Variants in CFAP91 observed in about 807,000 individuals in gnomAD.
CFAP91 encodes cilia and flagella associated protein 91.
In CFAP91, 85 loss-of-function variants were observed where a neutral mutation model predicts 95.9. That is an observed-to-expected ratio of 0.89 (90% CI 0.74 to 1.06). CFAP91 has a LOEUF of 1.06. Among genes scored for constraint, CFAP91 ranks in the 50% least tolerant of loss-of-function variants. The pLI is 0.00. For missense variants in CFAP91, 962 were observed against 943.4 expected, an observed-to-expected ratio of 1.02 and a Z score of -0.26; for synonymous variants, 335 against 327.5, an observed-to-expected ratio of 1.02 and a Z score of -0.25.
chr3:119,758,418 C>G (rs574893880), intron 17 of CFAP91, among the ~76,000 whole-genome samples: 11 of 152,242 alleles, frequency 7.2e-5, no homozygotes, highest in South Asian at 6.2e-4. Flanking sequence ...AAAGTTAAAA[C>G]AAGAAGGAAG....
intron 7 of CFAP91, 42 bp downstream of exon 7, chr3:119,726,390 G>A (rs2053784990): frequency 1.3e-6 from 2 of 1,541,404 alleles, no homozygotes; most frequent in Admixed American, 1.9e-5. Flanking sequence ...TGCACTGGTG[G>A]GAATAATGTT....
At chr3:119,757,798 A>G (rs2054461747) in intron 17 of CFAP91, among the ~76,000 whole-genome samples, 1 of 152,184 alleles carries the variant, frequency 6.6e-6, no homozygotes. Flanking sequence ...GGAAAGAGAA[A>G]CCAGAGGAGC....
intron 17 of CFAP91, among the ~76,000 whole-genome samples, chr3:119,760,230 T>C (rs992683690): frequency 6.6e-6 from 1 of 151,800 alleles, no homozygotes; most frequent in African/African-American, 2.4e-5. Context: ...AGAACAAGTG[T>C]AGCTAAACTT....
At chr3:119,720,991 G>A (rs1192714775) in intron 6 of CFAP91, among the ~76,000 whole-genome samples, 2 of 152,160 alleles carry the variant, frequency 1.3e-5, no homozygotes, top group Non-Finnish European at 2.9e-5. Context: ...TCAACCTGCA[G>A]TTGGTCAAAT....
chr3:119,762,246 G>T (rs2054550042), intron 17 of CFAP91, among the ~76,000 whole-genome samples: 1 of 128,886 alleles, frequency 7.8e-6, no homozygotes, highest in South Asian at 2.3e-4. Context: ...TAGCTACAAG[G>T]AAAAAAATAA....
chr3:119,738,332 CTTTTTTTTTTTTT>C (rs556125660), intron 11 of CFAP91, among the ~76,000 whole-genome samples: 237 of 23,072 alleles, frequency 0.01, 4 homozygotes, highest in South Asian at 0.037. Flanking sequence ...GACATATTGT[CTTTTTTTTTTTTT>C]TTTTTTTTTT....
At position 119,715,703 on chromosome 3, in the gene CFAP91, C is replaced by T; in HGVS notation, c.642C>T (p.Asp214=). ...CTGCAGAATATGTAGTATGTCAGGA[C>T]TCAATCCCTGAGCTCTTGACCCTGG... The part of the protein sequence containing the change: ...PYSAEYVVCQ[D]SIPELLTLAT... The change falls in exon 6 of 18, where the codon GAC becomes GAT. Residue 214 remains aspartate, a synonymous_variant. Transcript: ENST00000273390. The T allele has an allele frequency of 1.2e-6, 2 of 1,614,090 alleles. No individual in the cohort carries two copies. Among genetic ancestry groups the T allele is most frequent in the Non-Finnish European group, 1.7e-6 (2 of 1,179,928 alleles).
rs1281349862 is a variant in CFAP91, at chr3:119,751,021, C to T, written c.2228C>T (p.Thr743Ile). 6.2e-7 allele frequency: 1 copy of T among 1,613,796 alleles called. No individual in the cohort carries two copies. Among genetic ancestry groups the T allele is most frequent in the Non-Finnish European group, 8.5e-7 (1 of 1,179,870 alleles). ...GAAAGCATGGTTCAAAAGAAATTAA[C>T]TGAGGGAGAGCAAGATGAGGCCTCA... Reference protein sequence around the residue: ...YTESMVQKKLTEGEQDEASNA... With the variant: ...YTESMVQKKLIEGEQDEASNA... The change falls in exon 17 of 18, where the codon ACT becomes ATT. Residue 743 changes from threonine (T) to isoleucine (I), a missense_variant. Transcript: ENST00000273390.
intron 17 of CFAP91, among the ~76,000 whole-genome samples, chr3:119,757,281 A>G (rs549346985): frequency 3.9e-4 from 59 of 152,340 alleles, no homozygotes; most frequent in South Asian, 1.4e-3. Flanking sequence ...AGACAAATCC[A>G]CAATAATTCT....
intron 8 of CFAP91, among the ~76,000 whole-genome samples, chr3:119,731,092 G>A (rs1043299894): frequency 3.3e-5 from 5 of 152,004 alleles, no homozygotes; most frequent in Non-Finnish European, 4.4e-5. Context: ...TTTAAAAACA[G>A]CCTGATGTAA....
Position 119,733,440 on chromosome 3 carries a change from T to C in CFAP91, c.1278T>C (p.Ile426=). ...PQIRAPKPKV[I]TTKAGFLKRA... is the part of the protein sequence containing the mutation. ...TCAGAGCTCCAAAACCTAAAGTCAT[T>C]ACCACCAAAGCTGGTTTTCTGAAGA... The change falls in exon 10 of 18, where the codon ATT becomes ATC. Residue 426 remains isoleucine (I), a synonymous_variant. Coordinates refer to ENST00000273390, the MANE Select transcript of CFAP91 (RefSeq NM_033364.4). The C allele has an allele frequency of 6.2e-7, 1 of 1,614,142 alleles. No individual in the cohort carries two copies. Among genetic ancestry groups the C allele is most frequent in the Non-Finnish European group, 8.5e-7 (1 of 1,179,982 alleles).
intron 5 of CFAP91, among the ~76,000 whole-genome samples, chr3:119,712,473 A>G (rs906230363): frequency 4.6e-5 from 7 of 152,204 alleles, no homozygotes; most frequent in African/African-American, 1.7e-4. Context: ...ATTCAAGATA[A>G]TGGTGCAGTA....
chr3:119,715,563 G>A lies in CFAP91; in HGVS notation c.502G>A (p.Ala168Thr). Residue 168 changes from alanine (A) to threonine (T), a missense_variant and splice_region_variant, in exon 6 of 18, where the codon GCA (alanine) becomes ACA (threonine). By Grantham distance (58) the Ala-to-Thr change is moderately conservative. Transcript: ENST00000273390. ...PFNVVYAVSKAEPYTFPPTST... is the reference protein window; with the variant it reads ...PFNVVYAVSKTEPYTFPPTST... The stretch of plus-strand genomic sequence containing the variant: ...TTTAAACTGATTTTTCTCTTTTAGG[G>A]CAGAACCATACACTTTTCCTCCTAC... 1 of 1,613,596 alleles carries A rather than the reference G, an allele frequency of 6.2e-7. No individual in the cohort carries two copies. The highest frequency in any genetic ancestry group is 8.5e-7 in the Non-Finnish European group (1 of 1,179,704).
At position 119,737,438 on chromosome 3, in the gene CFAP91, C is replaced by T. The variant is rs1286091403; in HGVS notation, c.1417C>T (p.Pro473Ser). Residue 473 changes from proline (P) to serine (S), a missense_variant, in exon 11 of 18, where the codon CCT becomes TCT. By Grantham distance (74) the Pro-to-Ser change is moderately conservative (BLOSUM62 -1). Coordinates refer to ENST00000273390, the MANE Select transcript of CFAP91 (RefSeq NM_033364.4). The part of the protein sequence containing the change: ...PPRFLQRNPI[P>S]QPRLPTPTLE... Reference sequence around the variant, plus strand: ...TCGCTTCCTTCAAAGAAACCCAATACCTCAACCTCGGCTTCCAACTCCAAC... The same window carrying T: ...TCGCTTCCTTCAAAGAAACCCAATATCTCAACCTCGGCTTCCAACTCCAAC... 1 of 1,611,248 alleles carries T rather than the reference C, an allele frequency of 6.2e-7. No homozygotes were observed. The highest frequency in any genetic ancestry group is 1.7e-5 in the Admixed American group (1 of 59,496).
intron 2 of CFAP91, 139 bp downstream of exon 2, chr3:119,707,024 G>C: frequency 1.5e-6 from 1 of 679,224 alleles, no homozygotes; most frequent in African/African-American, 1.8e-5. Context: ...AAGATTACTG[G>C]AGGGCAAAGC....
chr3:119,709,772 T>G (rs2107855934), intron 4 of CFAP91, 67 bp from the exon 5 acceptor site: 1 of 1,125,930 alleles, frequency 8.9e-7, no homozygotes, highest in Non-Finnish European at 1.4e-6. Context: ...ATATTAGAGC[T>G]GGAAGAGAGC....
Position 119,737,361 on chromosome 3 carries a change from T to C in CFAP91, c.1345-5T>C. The C allele has an allele frequency of 6.5e-7, 1 of 1,541,062 alleles. No homozygotes were observed. Among genetic ancestry groups the C allele is most frequent in the Non-Finnish European group, 8.8e-7 (1 of 1,133,428 alleles). ...AAGAGATTATATTAATTGGCATTAT[T>C]TCAGGCACTGTTGGATAAGAAGAAT... On this transcript the variant is annotated splice_polypyrimidine_tract_variant and splice_region_variant and intron_variant, in intron 10 of 17. Coordinates refer to ENST00000273390, the MANE Select transcript of CFAP91 (RefSeq NM_033364.4).
At chr3:119,747,093 A>G (rs537609246) in intron 14 of CFAP91, 22 bp from the exon 15 acceptor site, 2 of 1,515,314 alleles carry the variant, frequency 1.3e-6, no homozygotes, top group Non-Finnish European at 1.8e-6. Context: ...TGTTTTAGTG[A>G]GGGTATTATT....
chr3:119,734,449 T>C (rs2053962312), intron 10 of CFAP91, among the ~76,000 whole-genome samples: 1 of 106,382 alleles, frequency 9.4e-6, no homozygotes, highest in Non-Finnish European at 1.9e-5. Flanking sequence ...TTATAGATTC[T>C]TTTTATTAGG....
Sources: gnomAD v4.1 joint callset for allele counts (sites outside exome capture counted in the v4.1 genomes callset) on GRCh38, gnomAD v4.1.1 for gene constraint, MANE v1.5 for transcripts, NCBI Gene and HGNC (gene_info 2026-07-23, HGNC 2026-07-21) for gene names.